Variants in SRL observed in about 807,000 individuals in gnomAD.
The protein encoded by SRL is sarcalumenin.
A neutral mutation model predicts 39.5 loss-of-function variants in SRL; 23 were observed. That is an observed-to-expected ratio of 0.58 (90% CI 0.42 to 0.82). The LOEUF (loss-of-function observed/expected upper bound fraction) is 0.82. Ranked by LOEUF, SRL falls within the 40% of genes least tolerant of loss-of-function variation. The pLI, the probability that SRL is intolerant of heterozygous loss-of-function variation, is 0.00. For synonymous variants in SRL, 272 were observed against 237.4 expected (o/e 1.15, Z -1.34); for missense variants, 592 against 607.8 (o/e 0.97, Z 0.27).
At chr16:4,230,235 A>AG (rs943705434) in intron 1 of SRL, among the ~76,000 whole-genome samples, 1 of 151,858 alleles carries the variant, frequency 6.6e-6, no homozygotes, top group Non-Finnish European at 1.5e-5. Context: ...CAGATCAGCC[A>AG]GGGGGGGCAA....
At chr16:4,206,722 C>G (rs1333536826) in intron 1 of SRL, 1 of 454,460 alleles carries the variant, frequency 2.2e-6, no homozygotes, top group Admixed American at 2.4e-5. Flanking sequence ...GGAATTAATT[C>G]CTACCCTGGG....
At chr16:4,205,833 G>T (rs1042980750) in intron 1 of SRL, among the ~76,000 whole-genome samples, 2 of 152,042 alleles carry the variant, frequency 1.3e-5, no homozygotes, top group African/African-American at 4.8e-5. Context: ...AGCTACTCAG[G>T]AGGCTGAGGT....
chr16:4,226,534 G>A (rs562058457), intron 1 of SRL, among the ~76,000 whole-genome samples: 1 of 151,926 alleles, frequency 6.6e-6, no homozygotes, highest in African/African-American at 2.4e-5. Context: ...TGGAGGGACA[G>A]ATGGATGGAC....
At chr16:4,195,849 G>C (rs528615656) in intron 4 of SRL, 63 bp from the exon 5 acceptor site, 1 of 1,413,368 alleles carries the variant, frequency 7.1e-7, no homozygotes, top group Non-Finnish European at 9.8e-7. Flanking sequence ...CTACTGAGAA[G>C]CATGTGTATA....
intron 1 of SRL, among the ~76,000 whole-genome samples, chr16:4,204,995 C>G (rs2052300538): frequency 6.6e-6 from 1 of 152,190 alleles, no homozygotes; most frequent in Admixed American, 6.5e-5. Context: ...GGCAGCTGCT[C>G]TTAGTCCAGT....
At chr16:4,222,204 T>C (rs944295414) in intron 1 of SRL, among the ~76,000 whole-genome samples, 4 of 152,186 alleles carry the variant, frequency 2.6e-5, no homozygotes, top group African/African-American at 7.2e-5. Flanking sequence ...TCCCATCCCT[T>C]GGGAGTCGTC....
At chr16:4,212,165 GT>G (rs1260344501) in intron 1 of SRL, among the ~76,000 whole-genome samples, 1 of 152,150 alleles carries the variant, frequency 6.6e-6, no homozygotes, top group Non-Finnish European at 1.5e-5. Context: ...CTCTTCCCTG[GT>G]TTTCACAACT....
At chr16:4,230,599 G>C (rs1442974324) in intron 1 of SRL, among the ~76,000 whole-genome samples, 2 of 151,618 alleles carry the variant, frequency 1.3e-5, no homozygotes, top group Admixed American at 6.6e-5. Context: ...ATGTTGGCCA[G>C]GCTGGTCTTG....
intron 1 of SRL, among the ~76,000 whole-genome samples, chr16:4,238,092 G>T (rs190815418): frequency 3.0e-4 from 46 of 152,338 alleles, no homozygotes; most frequent in African/African-American, 1.1e-3. Context: ...ACGAATGATG[G>T]AACACGTTGA....
intron 1 of SRL, among the ~76,000 whole-genome samples, chr16:4,210,077 G>C (rs1323559402): frequency 6.6e-6 from 1 of 152,220 alleles, no homozygotes; most frequent in Admixed American, 6.5e-5. Flanking sequence ...CTGGCACCCT[G>C]CCTGACCCAC....
At chr16:4,201,599 T>A (rs1178851295) in intron 3 of SRL, among the ~76,000 whole-genome samples, 1 of 134,118 alleles carries the variant, frequency 7.5e-6, no homozygotes, top group African/African-American at 3.2e-5. Context: ...TTAAAAGTGC[T>A]ATGAGCCATC....
chr16:4,207,564 C>T, intron 1 of SRL: 1 of 454,186 alleles, frequency 2.2e-6, no homozygotes, highest in South Asian at 1.6e-5. Flanking sequence ...CTCTGCTGTC[C>T]CTGCTACTGC....
At chr16:4,203,931 G>T (rs755800483) in intron 2 of SRL, among the ~76,000 whole-genome samples, 6 of 152,200 alleles carry the variant, frequency 3.9e-5, no homozygotes, top group Non-Finnish European at 8.8e-5. Context: ...GACACTCCCC[G>T]GAGGGGTGGG....
chr16:4,212,779 C>T (rs1027690584), intron 1 of SRL, among the ~76,000 whole-genome samples: 2 of 152,106 alleles, frequency 1.3e-5, no homozygotes, highest in African/African-American at 4.8e-5. Context: ...GCTTCTCCCA[C>T]CAGCCCCTCT....
intron 1 of SRL, among the ~76,000 whole-genome samples, chr16:4,218,564 G>C (rs2052487185): frequency 6.6e-6 from 1 of 152,176 alleles, no homozygotes; most frequent in African/African-American, 2.4e-5. Flanking sequence ...TCTCGCACAA[G>C]TGAAATCACA....
Position 4,206,961 on chromosome 16 carries a change from G to A in SRL, c.62-2327C>T, listed in dbSNP as rs904575716. 1.1e-4 allele frequency: 51 copies of A among 455,776 alleles called. 1 individual carries two copies. In the Middle Eastern group the frequency reaches 1.3e-3, roughly 12 times the overall value. 28.2% of individuals were successfully genotyped at this position (455,776 alleles called of 1,614,324 possible). ...TTCCTGGGGATCCCCACCTTCCTGG[G>A]GCTCCCCGCCTTCCTGTGGCGCTCC... is the stretch of plus-strand genomic sequence containing the variant. On this transcript the variant is annotated intron_variant, in intron 1 of 5. Coordinates refer to ENST00000399609, the MANE Select transcript of SRL (RefSeq NM_001098814.2).
intron 1 of SRL, among the ~76,000 whole-genome samples, chr16:4,222,143 C>G (rs928618741): frequency 6.6e-6 from 1 of 152,232 alleles, no homozygotes; most frequent in Admixed American, 6.5e-5. Context: ...TCCCTTCCCC[C>G]AGCCTGGCCC....
At position 4,195,593 on chromosome 16, in the gene SRL, A is replaced by G; in HGVS notation, c.570T>C (p.Asp190=). ...HKLLERVTFV[D]TPGIIENRKQ... is the part of the protein sequence containing the mutation. Reference sequence around the variant, plus strand: ...TGCGGTTCTCGATGATGCCTGGTGTATCCACAAAAGTGACCCTCTCCAGAA... The same window carrying G: ...TGCGGTTCTCGATGATGCCTGGTGTGTCCACAAAAGTGACCCTCTCCAGAA... Residue 190 remains aspartate (D), a synonymous_variant, in exon 5 of 6, where the codon GAT becomes GAC. Transcript: ENST00000399609. 6.2e-7 allele frequency: 1 copy of G among 1,614,228 alleles called. No individual in the cohort carries two copies. The highest frequency in any genetic ancestry group is 8.5e-7 in the Non-Finnish European group (1 of 1,180,044).
At chr16:4,232,759 G>A (rs2052673421) in intron 1 of SRL, among the ~76,000 whole-genome samples, 1 of 152,176 alleles carries the variant, frequency 6.6e-6, no homozygotes, top group African/African-American at 2.4e-5. Context: ...GGATCTACCC[G>A]CTTCAACCTC....
Sources: allele counts gnomAD v4.1 joint callset (sites outside exome capture counted in the v4.1 genomes callset), GRCh38; gene constraint gnomAD v4.1.1; transcripts MANE v1.5; gene names NCBI Gene and HGNC (gene_info 2026-07-23, HGNC 2026-07-21).